Variants in DEPDC5 observed in about 807,000 individuals in gnomAD.
The protein encoded by DEPDC5 is GATOR1 complex protein DEPDC5.
Under a neutral mutation model 217.3 loss-of-function variants are expected in DEPDC5, and 73 were observed. That is an observed-to-expected ratio of 0.34 (90% CI 0.28 to 0.41). The LOEUF is 0.41. Among genes scored for constraint, DEPDC5 ranks in the 10% least tolerant of loss-of-function variants. The pLI, the probability that DEPDC5 is intolerant of heterozygous loss-of-function variation, is 1.00. For synonymous variants in DEPDC5, 733 were observed against 756.7 expected (o/e 0.97, Z 0.51); for missense variants, 1,675 against 2,070.1 (o/e 0.81, Z 3.70).
chr22:31,819,146 G>A lies in DEPDC5; in HGVS notation c.1791G>A (p.Leu597=). The A allele has an allele frequency of 2.5e-6, 4 of 1,614,188 alleles. No homozygotes were observed. The highest frequency in any genetic ancestry group is 2.5e-6 in the Non-Finnish European group (3 of 1,180,026). The change falls in exon 22 of 43, where the codon CTG becomes CTA. Residue 597 remains leucine (L), a synonymous_variant. Coordinates refer to ENST00000651528, the MANE Select transcript of DEPDC5 (RefSeq NM_001242896.3). ...GTGGATACACGCCCCAGAGAGCACT[G>A]ATTAACCCCTTCGCTCCCTCTCGGA... ...RPGGYTPQRA[L]INPFAPSRMP... is the part of the protein sequence containing the mutation.
In DEPDC5 at chr22:31,837,007, T is replaced by C; in HGVS notation, c.2206T>C (p.Phe736Leu). 6.2e-7 allele frequency: 1 copy of C among 1,614,112 alleles called. No individual in the cohort carries two copies. The highest frequency in any genetic ancestry group is 1.1e-5 in the South Asian group (1 of 91,068). Reference sequence around the variant, plus strand: ...GTCTGCTCCCCCTGTAGTGCCAGGCTTCTGTTGCACAGTTGGAGTGGACTG... The same window carrying C: ...GTCTGCTCCCCCTGTAGTGCCAGGCCTCTGTTGCACAGTTGGAGTGGACTG... ...TLSAPPVVPG[F>L]CCTVGVDWKS... Residue 736 changes from phenylalanine to leucine, a missense_variant, in exon 26 of 43, where the codon TTC (phenylalanine) becomes CTC (leucine). Transcript: ENST00000651528.
chr22:31,784,620 CAAAA>C (rs34957936), intron 9 of DEPDC5, 190 bp from the exon 10 acceptor site: 600 of 320,616 alleles, frequency 1.9e-3, no homozygotes, highest in South Asian at 3.1e-3. Context: ...ACTCCCATCT[CAAAA>C]AAAAAAAAAA....
chr22:31,855,241 G>A lies in DEPDC5; in HGVS notation c.3156-2204G>A, dbSNP rs541779313. 3.3e-3 allele frequency among the ~76,000 whole-genome samples: 504 copies of A among 152,222 alleles called. 2 individuals carry two copies. The highest frequency in any genetic ancestry group is 0.012 in the African/African-American group (489 of 41,526). On this transcript the variant is annotated intron_variant, in intron 31 of 42. Coordinates refer to ENST00000651528, the MANE Select transcript of DEPDC5 (RefSeq NM_001242896.3). Reference sequence around the variant, plus strand: ...GCCTCCCAAAGTCCTGGGATAACAGGTGTGAGCCACTGTGCCCAGCTAAAA... The same window carrying A: ...GCCTCCCAAAGTCCTGGGATAACAGATGTGAGCCACTGTGCCCAGCTAAAA...
rs1323018301 is a variant in DEPDC5 at position 31,785,022 on chromosome 22, A to G, written c.624+147A>G. On this transcript the variant is annotated intron_variant, in intron 10 of 42. Transcript: ENST00000651528. ...GATTTAAATTACCCTAATAATCTCA[A>G]TTTATGAGAATTTATGAAAAACACA... 11 of 608,246 alleles carry G rather than the reference A, an allele frequency of 1.8e-5. No homozygotes were observed. The East Asian group carries it at 3.0e-4, about 16-fold the overall frequency. The allele number at this position is 608,246 out of a possible 1,614,324, so 37.7% of individuals were successfully genotyped here.
Position 31,810,827 on chromosome 22 carries a change from G to A in DEPDC5, c.1445+186G>A, listed in dbSNP as rs547603974. ...TTTCGCTCTTGTTGCCCAGGCTTGA[G>A]TGCAATGGTGTGATCTCGGCTCACT... On this transcript the variant is annotated intron_variant, in intron 20 of 42. Transcript: ENST00000651528. Among the ~76,000 whole-genome samples, 68 of 152,324 alleles carry A rather than the reference G, an allele frequency of 4.5e-4. 1 individual carries two copies. In the South Asian group the frequency reaches 7.0e-3, roughly 16 times the overall value.
At position 31,838,835 on chromosome 22, in the gene DEPDC5, CTA is replaced by C; in HGVS notation, c.2508_2509del (p.Tyr836Ter). 1 of 1,612,676 alleles carries C rather than the reference CTA, an allele frequency of 6.2e-7. No homozygotes were observed. Among genetic ancestry groups the C allele is most frequent in the Non-Finnish European group, 8.5e-7 (1 of 1,179,082 alleles). ...VPPPLSSSPLYSRGLVSRNRP... is the reference protein window; with the variant it reads ...VPPPLSSSPLXSRGLVSRNRP... ...CGCCCCCGCTGAGCAGTAGCCCACT[CTA>C]TAGCCGAGGTGAGTTTTTCTCCTTG... On this transcript the variant is annotated frameshift_variant, in exon 27 of 43. Coordinates refer to ENST00000651528, the MANE Select transcript of DEPDC5 (RefSeq NM_001242896.3). LOFTEE classifies it high-confidence loss of function.
chr22:31,784,948 T>C, intron 10 of DEPDC5, 73 bp downstream of exon 10: 1 of 1,399,718 alleles, frequency 7.1e-7, no homozygotes, highest in South Asian at 1.3e-5. Context: ...TGCACTGTTT[T>C]TATTAAATTG....
At chr22:31,875,329 A>G (rs1569172853) in intron 36 of DEPDC5, 2 of 164,390 alleles carry the variant, frequency 1.2e-5, no homozygotes, top group Non-Finnish European at 1.5e-5. Context: ...ACATGTATCA[A>G]CATGGATAAA....
intron 29 of DEPDC5, among the ~76,000 whole-genome samples, chr22:31,844,592 AT>A (rs1319098630): frequency 5.3e-5 from 8 of 150,110 alleles, no homozygotes; most frequent in East Asian, 4.0e-4. Flanking sequence ...TCTATGCATG[AT>A]TTGTGATTGT....
At chr22:31,821,718 A>G in intron 23 of DEPDC5, 81 bp downstream of exon 23, 1 of 1,554,412 alleles carries the variant, frequency 6.4e-7, no homozygotes, top group Non-Finnish European at 8.8e-7. Context: ...CAGACTATTG[A>G]CAAAATGTTG....
chr22:31,810,475 G>C, intron 19 of DEPDC5, 46 bp from the exon 20 acceptor site: 1 of 1,611,246 alleles, frequency 6.2e-7, no homozygotes. Context: ...TCAGGCATGT[G>C]TTTGAAATGT....
chr22:31,791,084 G>A (rs1300754125), intron 10 of DEPDC5, among the ~76,000 whole-genome samples: 3 of 151,990 alleles, frequency 2.0e-5, no homozygotes, highest in Non-Finnish European at 4.4e-5. Flanking sequence ...AAATTATCTG[G>A]GCCTGGTGAC....
At chr22:31,848,526 C>T (rs2149049859) in intron 31 of DEPDC5, among the ~76,000 whole-genome samples, 1 of 152,280 alleles carries the variant, frequency 6.6e-6, no homozygotes, top group East Asian at 1.9e-4. Context: ...TACATTGGCC[C>T]CTTTTAGCCA....
At chr22:31,817,160 A>G in intron 21 of DEPDC5, 1 of 154,990 alleles carries the variant, frequency 6.5e-6, no homozygotes, top group Non-Finnish European at 1.4e-5. Flanking sequence ...CCCAGGCTGG[A>G]GTGCAATGGC....
rs1388547069 is a variant in DEPDC5 at position 31,760,665 on chromosome 22, T to G, written c.156T>G (p.Leu52=). The G allele has an allele frequency of 6.2e-7, 1 of 1,613,458 alleles. No individual in the cohort carries two copies. Among genetic ancestry groups the G allele is most frequent in the East Asian group, 2.2e-5 (1 of 44,870 alleles). Reference sequence around the variant, plus strand: ...TTGCTTTCTTTTTCAGCCCTCTGCTTTTGCAGGTCAAGTCTCTTAAGGAAG... The same window carrying G: ...TTGCTTTCTTTTTCAGCCCTCTGCTGTTGCAGGTCAAGTCTCTTAAGGAAG... The part of the protein sequence containing the change: ...AHPNDEYSPL[L]LQVKSLKEDL... Residue 52 remains leucine (L), a synonymous_variant, in exon 4 of 43, where the codon CTT becomes CTG. Coordinates refer to ENST00000651528, the MANE Select transcript of DEPDC5 (RefSeq NM_001242896.3).
At chr22:31,770,896 A>G (rs1022772351) in intron 7 of DEPDC5, among the ~76,000 whole-genome samples, 2 of 150,672 alleles carry the variant, frequency 1.3e-5, no homozygotes, top group Non-Finnish European at 2.9e-5. Context: ...GGTTCAAGCA[A>G]TTATTCTGCC....
At chr22:31,815,919 A>T in intron 21 of DEPDC5, 6 of 1,019,482 alleles carry the variant, frequency 5.9e-6, no homozygotes, top group Non-Finnish European at 7.0e-6. Flanking sequence ...AGCTTTTCTT[A>T]GGCCTAGGGT....
intron 3 of DEPDC5, among the ~76,000 whole-genome samples, 170 bp downstream of exon 3, chr22:31,758,803 G>A (rs558301341): frequency 4.6e-5 from 7 of 152,058 alleles, no homozygotes; most frequent in Non-Finnish European, 7.4e-5. Flanking sequence ...CCGGGAGTTC[G>A]AGACCAGCCT....
At position 31,857,541 on chromosome 22, in the gene DEPDC5, C is replaced by T; in HGVS notation, c.3252C>T (p.Asp1084=). ...SSVAMTPTYM[D]SPRKDGAFFM... is the part of the protein sequence containing the mutation. ...TTGCCATGACTCCCACCTACATGGA[C>T]AGCCCACGAAAGGTAAAGGAAGCCG... is the stretch of plus-strand genomic sequence containing the variant. Residue 1084 remains aspartate (D), a synonymous_variant, in exon 32 of 43, where the codon GAC becomes GAT. Transcript: ENST00000651528. 2 of 1,610,988 alleles carry T rather than the reference C, an allele frequency of 1.2e-6. No individual in the cohort carries two copies. The highest frequency in any genetic ancestry group is 1.7e-6 in the Non-Finnish European group (2 of 1,178,660).
Sources: allele counts gnomAD v4.1 joint callset (sites outside exome capture counted in the v4.1 genomes callset), GRCh38; gene constraint gnomAD v4.1.1; transcripts MANE v1.5; gene names NCBI Gene and HGNC (gene_info 2026-07-23, HGNC 2026-07-21).